Variants in EHD2 observed in about 807,000 individuals in gnomAD.
EHD2 encodes the protein EH domain containing 2, also known as EH domain-containing protein 2.
A neutral mutation model predicts 41.0 loss-of-function variants in EHD2; 27 were observed. The observed-to-expected ratio is 0.66, with a 90% CI of 0.49 to 0.91. The LOEUF is 0.91. Ranked by LOEUF, EHD2 falls within the 40% of genes least tolerant of loss-of-function variation. The pLI is 0.00. For synonymous variants in EHD2, 342 were observed against 341.0 expected, an observed-to-expected ratio of 1.00 and a Z score of -0.03; for missense variants, 673 against 773.9, an observed-to-expected ratio of 0.87 and a Z score of 1.55.
intron 5 of EHD2, among the ~76,000 whole-genome samples, chr19:47,737,813 G>T (rs1047483761): frequency 1.3e-5 from 2 of 151,420 alleles, no homozygotes; most frequent in Non-Finnish European, 2.9e-5. Context: ...TGGGCTCAAA[G>T]GTCCTTCTGC....
In EHD2 at chr19:47,741,457, C is replaced by T. The variant is rs1473108528; in HGVS notation, c.*25C>T. On this transcript the variant is annotated 3_prime_UTR_variant, in exon 6 of 6. Coordinates refer to ENST00000263277, the MANE Select transcript of EHD2 (RefSeq NM_014601.4). The surrounding 1 kb of genome is among the most constrained non-coding windows in gnomAD (Gnocchi z 4.5). ...AGCCGGCCCCCCTCCCATGGCCCTGCTGTGGCTCCCCAGCTCCAGTCGGCT... is the reference window on the plus strand; with the variant it reads ...AGCCGGCCCCCCTCCCATGGCCCTGTTGTGGCTCCCCAGCTCCAGTCGGCT... 6.5e-7 allele frequency: 1 copy of T among 1,546,496 alleles called. No individual in the cohort carries two copies. The highest frequency in any genetic ancestry group is 1.2e-5 in the South Asian group (1 of 85,612).
At chr19:47,736,608 C>A (rs1966926004) in intron 5 of EHD2, 75 bp downstream of exon 5, 2 of 1,469,702 alleles carry the variant, frequency 1.4e-6, no homozygotes, top group African/African-American at 1.4e-5. Context: ...TGAGATGGGA[C>A]CTCAAAAGCC....
At position 47,740,991 on chromosome 19, in the gene EHD2, G is replaced by T; in HGVS notation, c.1191G>T (p.Leu397=). 1 of 1,611,570 alleles carries T rather than the reference G, an allele frequency of 6.2e-7. No homozygotes were observed. Among genetic ancestry groups the T allele is most frequent in the Non-Finnish European group, 8.5e-7 (1 of 1,179,898 alleles). ...ACATCGCCAAGCTCATGCCCCTGCTGCGGCAGGAGGAGCTGGAGAGCACCG... is the reference window on the plus strand; with the variant it reads ...ACATCGCCAAGCTCATGCCCCTGCTTCGGCAGGAGGAGCTGGAGAGCACCG... The part of the protein sequence containing the change: ...THDIAKLMPL[L]RQEELESTEV... Residue 397 remains leucine (L), a synonymous_variant, in exon 6 of 6, where the codon CTG becomes CTT. Coordinates refer to ENST00000263277, the MANE Select transcript of EHD2 (RefSeq NM_014601.4).
intron 5 of EHD2, among the ~76,000 whole-genome samples, chr19:47,737,231 CAA>C (rs34395536): frequency 2.5e-4 from 16 of 64,738 alleles, no homozygotes; most frequent in African/African-American, 3.5e-4. Context: ...GACTCCGTCT[CAA>C]AAAAAAAAAA....
intron 5 of EHD2, among the ~76,000 whole-genome samples, chr19:47,738,928 C>T (rs1282003676): frequency 1.3e-5 from 2 of 152,246 alleles, no homozygotes; most frequent in East Asian, 3.9e-4. Flanking sequence ...ACCCCTACAC[C>T]CCAAAGTGAC....
intron 4 of EHD2, among the ~76,000 whole-genome samples, chr19:47,728,594 G>T (rs1973777050): frequency 7.0e-6 from 1 of 142,264 alleles, no homozygotes. Context: ...TTTGAGACAG[G>T]GTCTCCCTCT....
chr19:47,723,610 C>T (rs546190826), intron 3 of EHD2, among the ~76,000 whole-genome samples: 4 of 144,412 alleles, frequency 2.8e-5, no homozygotes, highest in Middle Eastern at 3.5e-3. Flanking sequence ...GACCTGAGAT[C>T]GCGCCACTGC....
At chr19:47,727,100 TTTC>T (rs1404307923) in intron 4 of EHD2, among the ~76,000 whole-genome samples, 5 of 152,182 alleles carry the variant, frequency 3.3e-5, no homozygotes, top group African/African-American at 1.2e-4. Flanking sequence ...AATATTTCTT[TTTC>T]TTCTTCTTTT....
Position 47,726,008 on chromosome 19 carries a change from C to A in EHD2, c.699C>A (p.Tyr233Ter), listed in dbSNP as rs576144192. ...AGACGCAGCAGCTGATGCGCGTCTA[C>A]GGCGCGCTCATGTGGGCGCTGGGCA... ...MVETQQLMRV[Y>*]GALMWALGKV... Residue 233 changes from tyrosine to a stop codon, truncating the protein, a stop_gained, in exon 4 of 6, where the codon TAC becomes TAA. Coordinates refer to ENST00000263277, the MANE Select transcript of EHD2 (RefSeq NM_014601.4). LOFTEE classifies it high-confidence loss of function. The A allele has an allele frequency of 1.2e-6, 2 of 1,606,040 alleles. No homozygotes were observed. The highest frequency in any genetic ancestry group is 4.5e-5 in the East Asian group (2 of 44,494).
intron 4 of EHD2, among the ~76,000 whole-genome samples, chr19:47,729,129 G>A (rs1051969545): frequency 6.6e-5 from 10 of 152,166 alleles, no homozygotes; most frequent in Non-Finnish European, 1.0e-4. Flanking sequence ...CTCCTGGAGA[G>A]GAGACAGATC....
chr19:47,733,783 T>C (rs1966894725), intron 4 of EHD2, among the ~76,000 whole-genome samples: 1 of 70,328 alleles, frequency 1.4e-5, no homozygotes, highest in Non-Finnish European at 4.0e-5. Context: ...AAATCCACTG[T>C]CCATTTGGGA....
intron 4 of EHD2, chr19:47,731,287 T>TATATGTATATATATATATATATATAA (rs1568591794): frequency 1.2e-5 from 1 of 81,094 alleles, no homozygotes; most frequent in Non-Finnish European, 3.0e-5. Context: ...AAAATATATA[T>TATATGTATATATATATATATATATAA]ATATATATAT....
intron 5 of EHD2, among the ~76,000 whole-genome samples, chr19:47,740,436 CAAAAA>C (rs113444396): frequency 6.7e-6 from 1 of 148,200 alleles, no homozygotes; most frequent in Non-Finnish European, 1.5e-5. Flanking sequence ...GAGACCCTGT[CAAAAA>C]AAAACAAAAC....
At chr19:47,726,450 C>T (rs1973753580) in intron 4 of EHD2, 1 of 424,892 alleles carries the variant, frequency 2.4e-6, no homozygotes, top group Non-Finnish European at 4.1e-6. Flanking sequence ...CTTCTCTGTC[C>T]TGGTATTTCT....
intron 4 of EHD2, among the ~76,000 whole-genome samples, chr19:47,731,785 A>ATTT (rs35766063): frequency 0.017 from 1,954 of 112,806 alleles, 105 homozygotes; most frequent in African/African-American, 0.06. Context: ...GATATACTGC[A>ATTT]TTTTTTTTTT....
chr19:47,716,130 G>GGCAT (rs1973622449), intron 1 of EHD2, among the ~76,000 whole-genome samples: 1 of 146,906 alleles, frequency 6.8e-6, no homozygotes, highest in Non-Finnish European at 1.5e-5. Flanking sequence ...GGAGTGCAGC[G>GGCAT]GCATGATCAT....
At chr19:47,737,155 C>T (rs1387858383) in intron 5 of EHD2, among the ~76,000 whole-genome samples, 8 of 148,390 alleles carry the variant, frequency 5.4e-5, no homozygotes, top group East Asian at 2.0e-4. Flanking sequence ...GGTGTGAACC[C>T]GGGAGGCGGA....
In EHD2 at chr19:47,716,584, G is replaced by A. The variant is rs776714131; in HGVS notation, c.-29G>A. The A allele has an allele frequency of 3.7e-5, 55 of 1,472,678 alleles. No individual in the cohort carries two copies. The highest frequency in any genetic ancestry group is 2.7e-4 in the South Asian group (20 of 73,254). 91.2% of individuals were successfully genotyped at this position (1,472,678 alleles called of 1,614,324 possible). On this transcript the variant is annotated 5_prime_UTR_variant, in exon 2 of 6. In the 5' UTR this introduces an upstream ATG that the reference lacks. Coordinates refer to ENST00000263277, the MANE Select transcript of EHD2 (RefSeq NM_014601.4). ...CAGCTCTCCATCTGCACGTCTCTCC[G>A]TGAACCCCGTGAGCGGTGTGCAGCC...
In EHD2 at chr19:47,731,277, A is replaced by AT. The variant is rs1424865629; in HGVS notation, c.915+5053_915+5054insT. On this transcript the variant is annotated intron_variant, in intron 4 of 5. Coordinates refer to ENST00000263277, the MANE Select transcript of EHD2 (RefSeq NM_014601.4). ...AAATTTGTGATTCTTTAAAAAAAAAAAAATATATATATATATATATATATA... is the reference window on the plus strand; with the variant it reads ...AAATTTGTGATTCTTTAAAAAAAAAATAAATATATATATATATATATATATA... 210 of 26,934 alleles carry AT rather than the reference A, an allele frequency of 7.8e-3. 4 individuals carry two copies. Among genetic ancestry groups the AT allele is most frequent in the African/African-American group, 0.016 (185 of 11,240 alleles). The allele number at this position is 26,934 out of a possible 1,614,324, so 1.7% of individuals were successfully genotyped here.
Sources: gnomAD v4.1 joint callset for allele counts (sites outside exome capture counted in the v4.1 genomes callset) on GRCh38, gnomAD v4.1.1 for gene constraint, Gnocchi (gnomAD v3.1) non-coding constraint, MANE v1.5 for transcripts, NCBI Gene and HGNC (gene_info 2026-07-23, HGNC 2026-07-21) for gene names.